PTK2: variants seen among roughly 807,000 people sequenced by gnomAD.
The protein encoded by PTK2 is focal adhesion kinase 1.
In PTK2, 45 loss-of-function variants were observed where a neutral mutation model predicts 150.1. That is an observed-to-expected ratio of 0.30 (90% CI 0.24 to 0.38). The LOEUF is 0.38. PTK2 is among the 10% of genes least tolerant of loss of function. The pLI is 1.00. For missense variants in PTK2, 919 were observed against 1,307.3 expected (o/e 0.70, Z 4.58); for synonymous variants, 432 against 449.2 (o/e 0.96, Z 0.48).
chr8:140,865,815 G>A lies in PTK2; in HGVS notation c.363-1416C>T, dbSNP rs114505364. Among the ~76,000 whole-genome samples the A allele has an allele frequency of 4.3e-3, 655 of 152,130 alleles. 4 individuals are homozygous for A. Among genetic ancestry groups the A allele is most frequent in the African/African-American group, 0.015 (624 of 41,504 alleles). ...CTCTCTTTTTTTGAGACAGGGTCTG[G>A]CTTTGTTGCCCAGGCTGCAGTGCAG... On this transcript the variant is annotated intron_variant, in intron 4 of 31. Coordinates refer to ENST00000522684, the Ensembl canonical transcript of PTK2.
intron 2 of PTK2, among the ~76,000 whole-genome samples, chr8:140,906,514 A>G (rs1355336773): frequency 6.6e-6 from 1 of 152,224 alleles, no homozygotes; most frequent in East Asian, 1.9e-4. Context: ...AGCTGCAGCA[A>G]CATGAATGGA....
In PTK2 at chr8:140,998,836, A is replaced by C. The variant is rs1429113540; in HGVS notation, c.-122+2289T>G. On this transcript the variant is annotated intron_variant, in intron 1 of 31. Coordinates refer to ENST00000522684, the Ensembl canonical transcript of PTK2. The stretch of plus-strand genomic sequence containing the variant: ...TCCGTCTCAAAAAAAAAAAAAAAAA[A>C]ACTATTTTCTTAGACAATTTCTCCA... Among the ~76,000 whole-genome samples, 3 of 151,982 alleles carry C rather than the reference A, an allele frequency of 2.0e-5. No individual in the cohort carries two copies. In the East Asian group the frequency reaches 5.8e-4, roughly 29 times the overall value.
chr8:140,833,334 A>G (rs542536845), intron 7 of PTK2, among the ~76,000 whole-genome samples: 1 of 151,996 alleles, frequency 6.6e-6, no homozygotes, highest in African/African-American at 2.4e-5. Flanking sequence ...TCAAGTACAC[A>G]AGGTCATGGT....
intron 5 of PTK2, among the ~76,000 whole-genome samples, chr8:140,854,718 A>C (rs1214386309): frequency 1.3e-5 from 2 of 152,182 alleles, no homozygotes; most frequent in African/African-American, 2.4e-5. Context: ...AGTTACATTT[A>C]GGCCATCTTT....
chr8:140,744,562 A>G (rs1264286757), intron 19 of PTK2, 90 bp downstream of exon 22: 1 of 709,286 alleles, frequency 1.4e-6, no homozygotes, highest in African/African-American at 1.8e-5. Context: ...CCCTGGATCC[A>G]AAAGGGTCCA....
chr8:140,998,930 T>C (rs867940527), intron 1 of PTK2, among the ~76,000 whole-genome samples: 1 of 152,204 alleles, frequency 6.6e-6, no homozygotes, highest in Non-Finnish European at 1.5e-5. Context: ...GAGTAAGTTA[T>C]GTAATTTCCA....
intron 2 of PTK2, among the ~76,000 whole-genome samples, chr8:140,911,358 T>C (rs2100163085): frequency 1.3e-5 from 2 of 152,194 alleles, no homozygotes; most frequent in Admixed American, 1.3e-4. Context: ...TTTAAATCTT[T>C]TCAATCTTAC....
At chr8:140,666,757 C>G (rs1287026538) in intron 30 of PTK2, among the ~76,000 whole-genome samples, 1 of 152,148 alleles carries the variant, frequency 6.6e-6, no homozygotes, top group African/African-American at 2.4e-5. Flanking sequence ...AGTGATCCAG[C>G]AATTCTGAGT....
At chr8:140,735,273 T>C (rs781404930) in exon 22 of PTK2, 1 of 1,614,002 alleles carries the variant, frequency 6.2e-7, no homozygotes. Context: ...TTAAGTTCAG[T>C]AAACCTGGGC....
At chr8:140,753,001 G>A (rs997494718) in intron 16 of PTK2, among the ~76,000 whole-genome samples, 5 of 152,198 alleles carry the variant, frequency 3.3e-5, no homozygotes, top group Non-Finnish European at 5.9e-5. Flanking sequence ...AGAAAGATGC[G>A]ACTTTTACTC....
intron 5 of PTK2, among the ~76,000 whole-genome samples, chr8:140,851,159 G>C (rs912564473): frequency 6.6e-6 from 1 of 152,216 alleles, no homozygotes; most frequent in Admixed American, 6.5e-5. Context: ...GTCAGATACT[G>C]TGAAGTATTT....
chr8:140,914,078 T>C (rs2100164239), intron 2 of PTK2, among the ~76,000 whole-genome samples: 1 of 152,148 alleles, frequency 6.6e-6, no homozygotes, highest in Non-Finnish European at 1.5e-5. Context: ...TTAAGAAAGG[T>C]ATAATATAAA....
intron 3 of PTK2, among the ~76,000 whole-genome samples, chr8:140,884,292 A>C (rs968568355): frequency 6.6e-6 from 1 of 152,110 alleles, no homozygotes; most frequent in South Asian, 2.1e-4. Context: ...CTGTTAGCTT[A>C]GGTTCTCCTC....
chr8:140,975,675 G>A (rs370269944), intron 1 of PTK2, among the ~76,000 whole-genome samples: 13 of 152,238 alleles, frequency 8.5e-5, no homozygotes, highest in East Asian at 5.8e-4. Flanking sequence ...TGCGACCCCC[G>A]AAGGCTGAAG....
rs146814228 is a variant in PTK2, at chr8:140,895,724, T to A, written c.-32-4955A>T. On this transcript the variant is annotated intron_variant, in intron 2 of 31. Transcript: ENST00000522684. ...AAAAGAACTAAGAGTATAATTAGAA[T>A]GTTTGTAACACCAAAAAAAGATAAA... Among the ~76,000 whole-genome samples, 307 of 152,246 alleles carry A rather than the reference T, an allele frequency of 2.0e-3. 2 individuals are homozygous for A. The highest frequency in any genetic ancestry group is 7.1e-3 in the African/African-American group (296 of 41,546).
At chr8:140,790,317 C>T (rs1031044907) in intron 13 of PTK2, among the ~76,000 whole-genome samples, 3 of 152,084 alleles carry the variant, frequency 2.0e-5, no homozygotes, top group African/African-American at 7.2e-5. Flanking sequence ...TTTCCAATGT[C>T]AGATTTTTTG....
At chr8:140,899,651 A>G (rs2100157662) in intron 2 of PTK2, among the ~76,000 whole-genome samples, 1 of 152,216 alleles carries the variant, frequency 6.6e-6, no homozygotes, top group African/African-American at 2.4e-5. Flanking sequence ...CAACAAAAAA[A>G]GAAAACTACA....
intron 12 of PTK2, among the ~76,000 whole-genome samples, chr8:140,795,114 T>C (rs1178236230): frequency 1.3e-5 from 2 of 152,160 alleles, no homozygotes; most frequent in Admixed American, 1.3e-4. Context: ...GACCCAAACA[T>C]CACTTGCCTA....
chr8:140,850,371 A>C (rs1436297752), intron 5 of PTK2, among the ~76,000 whole-genome samples: 1 of 151,816 alleles, frequency 6.6e-6, no homozygotes, highest in Admixed American at 6.6e-5. Flanking sequence ...GGTTGCAGAG[A>C]GCCAAGATCG....
Sources: allele counts gnomAD v4.1 joint callset (sites outside exome capture counted in the v4.1 genomes callset), GRCh38; gene constraint gnomAD v4.1.1; transcripts MANE v1.5; gene names NCBI Gene and HGNC (gene_info 2026-07-23, HGNC 2026-07-21).